GINS1: variants seen among roughly 807,000 people sequenced by gnomAD.
GINS1 encodes the protein DNA replication complex GINS protein PSF1.
Under a neutral mutation model 34.9 loss-of-function variants are expected in GINS1, and 26 were observed. That is an observed-to-expected ratio of 0.74 (90% confidence interval 0.55 to 1.03). GINS1 has a LOEUF of 1.03. Ranked by LOEUF, GINS1 falls within the 50% of genes least tolerant of loss-of-function variation. GINS1 has a pLI of 0.00. For missense variants in GINS1, 235 were observed against 237.9 expected, an observed-to-expected ratio of 0.99 and a Z score of 0.08; for synonymous variants, 97 against 84.4, an observed-to-expected ratio of 1.15 and a Z score of -0.82.
chr20:25,419,353 A>AC (rs1157984257), intron 4 of GINS1, among the ~76,000 whole-genome samples: 3 of 151,948 alleles, frequency 2.0e-5, no homozygotes, highest in African/African-American at 2.4e-5. Context: ...GAAAAAAAAA[A>AC]AACAAATATT....
rs749569010 is a variant in GINS1, at chr20:25,418,209, G to C, written c.330+14G>C. The C allele has an allele frequency of 7.0e-7, 1 of 1,423,320 alleles. No homozygotes were observed. Among genetic ancestry groups the C allele is most frequent in the South Asian group, 1.1e-5 (1 of 87,570 alleles). 88.2% of individuals were successfully genotyped at this position (1,423,320 alleles called of 1,614,324 possible). ...GCTGCTGAAGAAGTGAGTTAGCATT[G>C]TTCAAGTTTATAAATTTTGAAAATG... On this transcript the variant is annotated intron_variant, in intron 4 of 6. Transcript: ENST00000262460.
intron 3 of GINS1, 91 bp from the exon 4 acceptor site, chr20:25,418,014 G>T: frequency 2.6e-6 from 2 of 782,032 alleles, no homozygotes; most frequent in Admixed American, 1.7e-5. Flanking sequence ...TGTCTGTTTA[G>T]AGCTGGTGTG....
chr20:25,445,853 C>A (rs1366881804), intron 6 of GINS1, 70 bp from the exon 7 acceptor site: 5 of 987,730 alleles, frequency 5.1e-6, no homozygotes, highest in Middle Eastern at 2.1e-4. Flanking sequence ...TTTAATGATA[C>A]AAGAAATAAT....
chr20:25,432,641 A>G (rs963383521), intron 5 of GINS1, among the ~76,000 whole-genome samples: 3 of 151,462 alleles, frequency 2.0e-5, no homozygotes, highest in Admixed American at 6.6e-5. Context: ...TAATTTTTGT[A>G]TTTTTAGTAG....
intron 1 of GINS1, chr20:25,408,922 G>A: frequency 1.0e-6 from 1 of 983,368 alleles, no homozygotes; most frequent in Non-Finnish European, 1.2e-6. Context: ...TGGAAGATGG[G>A]CACAAAAACA....
At chr20:25,426,745 G>A (rs748262558) in intron 5 of GINS1, among the ~76,000 whole-genome samples, 3 of 151,638 alleles carry the variant, frequency 2.0e-5, no homozygotes, top group Non-Finnish European at 2.9e-5. Context: ...GGCTGGTCTC[G>A]AACTCCCGAG....
At chr20:25,417,465 T>G (rs1011331140) in intron 3 of GINS1, among the ~76,000 whole-genome samples, 1 of 152,234 alleles carries the variant, frequency 6.6e-6, no homozygotes, top group African/African-American at 2.4e-5. Context: ...ATTTTTTTCA[T>G]CGTGTTTCAC....
intron 1 of GINS1, among the ~76,000 whole-genome samples, chr20:25,411,548 C>G (rs1290304448): frequency 1.3e-5 from 2 of 152,030 alleles, no homozygotes; most frequent in Non-Finnish European, 2.9e-5. Flanking sequence ...CCTGTACTCG[C>G]AGCACTTTGG....
At chr20:25,445,283 G>T (rs1367548258) in intron 6 of GINS1, among the ~76,000 whole-genome samples, 2 of 151,902 alleles carry the variant, frequency 1.3e-5, no homozygotes, top group Non-Finnish European at 2.9e-5. Flanking sequence ...CCAGGTTCAA[G>T]TGATTCTCCT....
At chr20:25,421,826 C>T (rs547739708) in intron 4 of GINS1, among the ~76,000 whole-genome samples, 112 of 152,096 alleles carry the variant, frequency 7.4e-4, no homozygotes, top group Non-Finnish European at 1.4e-3. Context: ...TTTTCTTCCA[C>T]TTCATCTTCT....
intron 5 of GINS1, among the ~76,000 whole-genome samples, chr20:25,434,065 C>T (rs758380145): frequency 1.3e-5 from 2 of 151,700 alleles, no homozygotes; most frequent in South Asian, 2.1e-4. Flanking sequence ...GGGTGGATTG[C>T]GTGAGCTCAG....
At chr20:25,412,533 C>T (rs903184941) in intron 1 of GINS1, among the ~76,000 whole-genome samples, 2 of 151,916 alleles carry the variant, frequency 1.3e-5, no homozygotes, top group South Asian at 2.1e-4. Context: ...CCAGCCCAGG[C>T]GACAGTGTGA....
At chr20:25,407,950 G>T (rs2090257509) in intron 1 of GINS1, 55 bp downstream of exon 1, 2 of 1,324,926 alleles carry the variant, frequency 1.5e-6, no homozygotes, top group African/African-American at 2.9e-5. Flanking sequence ...CTGGGCTCTG[G>T]GGCGGGGCGG....
At chr20:25,442,391 T>C (rs1272776553) in intron 6 of GINS1, among the ~76,000 whole-genome samples, 1 of 151,948 alleles carries the variant, frequency 6.6e-6, no homozygotes, top group East Asian at 1.9e-4. Context: ...TATCTATCTT[T>C]AAAGAAAATA....
At chr20:25,418,058 AT>A (rs765310557) in intron 3 of GINS1, 46 bp from the exon 4 acceptor site, 2 of 1,004,458 alleles carry the variant, frequency 2.0e-6, no homozygotes, top group African/African-American at 1.6e-5. Flanking sequence ...TCCACACGTG[AT>A]CCCCCGTTTA....
chr20:25,414,657 G>A (rs1276042869), intron 2 of GINS1, among the ~76,000 whole-genome samples: 2 of 152,124 alleles, frequency 1.3e-5, no homozygotes, highest in African/African-American at 2.4e-5. Context: ...CTATGATCAC[G>A]TTACTGCACC....
At chr20:25,443,346 C>G (rs1375562643) in intron 6 of GINS1, among the ~76,000 whole-genome samples, 1 of 152,132 alleles carries the variant, frequency 6.6e-6, no homozygotes, top group Non-Finnish European at 1.5e-5. Flanking sequence ...AATTAATGCT[C>G]TGATAAGCAG....
Position 25,441,769 on chromosome 20 carries a change from A to G in GINS1, c.515A>G (p.Asn172Ser). 2.0e-6 allele frequency: 3 copies of G among 1,489,030 alleles called. No homozygotes were observed. Among genetic ancestry groups the G allele is most frequent in the Non-Finnish European group, 2.8e-6 (3 of 1,074,096 alleles). The allele number at this position is 1,489,030 out of a possible 1,614,324, so 92.2% of individuals were successfully genotyped here. The change falls in exon 6 of 7, where the codon AAT (asparagine) becomes AGT (serine). Residue 172 changes from asparagine (N) to serine (S), a missense_variant. Coordinates refer to ENST00000262460, the MANE Select transcript of GINS1 (RefSeq NM_021067.5). ...GGCACTTCAGTCCTATTAAAAAAAA[A>G]TAGCCAGGTATTTCTTATCTTCAGA... ...DDGTSVLLKK[N>S]SQHFLPRWKC...
intron 5 of GINS1, among the ~76,000 whole-genome samples, chr20:25,427,569 C>T (rs1257587548): frequency 6.6e-6 from 1 of 152,168 alleles, no homozygotes; most frequent in Non-Finnish European, 1.5e-5. Flanking sequence ...TGATGTTGAG[C>T]ATCTTTTCAT....
Sources: allele counts gnomAD v4.1 joint callset (sites outside exome capture counted in the v4.1 genomes callset), GRCh38; gene constraint gnomAD v4.1.1; transcripts MANE v1.5; gene names NCBI Gene and HGNC (gene_info 2026-07-23, HGNC 2026-07-21).